Variants in IGLON5 observed in about 807,000 individuals in gnomAD.
IGLON5 encodes Ig-like domain-containing protein ENSP00000270642.
A neutral mutation model predicts 38.2 loss-of-function variants in IGLON5; 16 were observed. The ratio of observed to expected loss-of-function variants is 0.42; its 90% CI spans 0.28 to 0.64. IGLON5 has a LOEUF of 0.64. IGLON5 is among the 30% of genes least tolerant of loss of function. The pLI is 0.23. For missense variants in IGLON5, 366 were observed against 483.4 expected (o/e 0.76, Z 2.28); for synonymous variants, 207 against 216.4 (o/e 0.96, Z 0.38).
rs747506546 is a variant in IGLON5, at chr19:51,327,038, C to G, written c.647-42C>G. The G allele has an allele frequency of 1.5e-5, 24 of 1,599,142 alleles. No homozygotes were observed. The African/African-American group carries it at 2.6e-4, about 17-fold the overall frequency. On this transcript the variant is annotated intron_variant, in intron 5 of 7. Coordinates refer to ENST00000270642, the MANE Select transcript of IGLON5 (RefSeq NM_001101372.3). The surrounding 1 kb of genome is among the most constrained non-coding windows in gnomAD (Gnocchi z 7.1). Reference sequence around the variant, plus strand: ...GGCTGGGGGCGGGACCCCTTCGTCCCCACGCGGCTAGGAGAATTCGCTGAC... The same window carrying G: ...GGCTGGGGGCGGGACCCCTTCGTCCGCACGCGGCTAGGAGAATTCGCTGAC...
chr19:51,327,258 G>C lies in IGLON5; in HGVS notation c.767+58G>C. Reference sequence around the variant, plus strand: ...GGAAGGGGAGGTCTTTAGTCCCTTCGATTGTGAGGCAGGGGGACGGAGCGG... The same window carrying C: ...GGAAGGGGAGGTCTTTAGTCCCTTCCATTGTGAGGCAGGGGGACGGAGCGG... On this transcript the variant is annotated intron_variant, in intron 6 of 7. Transcript: ENST00000270642. The surrounding 1 kb of genome is among the most constrained non-coding windows in gnomAD (Gnocchi z 7.1). The C allele has an allele frequency of 1.9e-6, 3 of 1,566,018 alleles. No homozygotes were observed. Among genetic ancestry groups the C allele is most frequent in the Non-Finnish European group, 2.6e-6 (3 of 1,153,720 alleles).
In IGLON5 at chr19:51,327,148, G is replaced by A; in HGVS notation, c.715G>A (p.Glu239Lys). 6.2e-7 allele frequency: 1 copy of A among 1,612,462 alleles called. No individual in the cohort carries two copies. Among genetic ancestry groups the A allele is most frequent in the Non-Finnish European group, 8.5e-7 (1 of 1,179,652 alleles). ...ALGRAALLRC[E>K]AMAVPPADFQ... Reference sequence around the variant, plus strand: ...GGGCCGGGCCGCCCTCCTGCGCTGCGAAGCCATGGCGGTTCCCCCCGCGGA... The same window carrying A: ...GGGCCGGGCCGCCCTCCTGCGCTGCAAAGCCATGGCGGTTCCCCCCGCGGA... Residue 239 changes from glutamate (E) to lysine (K), a missense_variant, in exon 6 of 8, where the codon GAA becomes AAA. Physicochemically the swap from Glu to Lys is moderately conservative, Grantham distance 56 (BLOSUM62 1). Coordinates refer to ENST00000270642, the MANE Select transcript of IGLON5 (RefSeq NM_001101372.3). This position sits in a 1 kb window ranked among gnomAD's most constrained non-coding sequence, Gnocchi z 7.1.
chr19:51,316,353 AAAAAAAG>A (rs1287921709), intron 1 of IGLON5, among the ~76,000 whole-genome samples: 9 of 151,042 alleles, frequency 6.0e-5, no homozygotes, highest in African/African-American at 1.9e-4. Flanking sequence ...TCAAAAAAAA[AAAAAAAG>A]AAAAGAAACA....
Position 51,326,869 on chromosome 19 carries a change from A to G in IGLON5, c.617A>G (p.Asp206Gly), listed in dbSNP as rs1985229095. The G allele has an allele frequency of 1.3e-6, 2 of 1,563,372 alleles. No individual in the cohort carries two copies. The highest frequency in any genetic ancestry group is 1.7e-6 in the Non-Finnish European group (2 of 1,153,988). The change falls in exon 5 of 8, where the codon GAC becomes GGC. Residue 206 changes from aspartate to glycine, a missense_variant. Physicochemically the swap from Asp to Gly is moderately conservative, Grantham distance 94. Coordinates refer to ENST00000270642, the MANE Select transcript of IGLON5 (RefSeq NM_001101372.3). ...VTHNGVNSAP[D>G]SRRVLVTVNY... ...CACAACGGGGTTAACTCGGCGCCCG[A>G]CAGCCGCCGCGTGCTGGTCACAGTC... is the stretch of plus-strand genomic sequence containing the variant.
chr19:51,319,034 G>A (rs1271236053), intron 1 of IGLON5, among the ~76,000 whole-genome samples: 5 of 152,204 alleles, frequency 3.3e-5, no homozygotes, highest in East Asian at 1.9e-4. Context: ...GAAGCGAGAC[G>A]CTGCCGACCT....
rs758998103 is a variant in IGLON5 at position 51,328,783 on chromosome 19, C to T, written c.*24C>T. 1.6e-5 allele frequency: 24 copies of T among 1,546,192 alleles called. No homozygotes were observed. Among genetic ancestry groups the T allele is most frequent in the African/African-American group, 4.1e-5 (3 of 72,356 alleles). ...AGGCGCAACCCAGTGGAGCTCACCT[C>T]CCCCTGCAGGGGGCCTCAGGCCAAG... is the stretch of plus-strand genomic sequence containing the variant. On this transcript the variant is annotated 3_prime_UTR_variant, in exon 8 of 8. Coordinates refer to ENST00000270642, the MANE Select transcript of IGLON5 (RefSeq NM_001101372.3).
At chr19:51,320,170 CTT>C (rs1051234041) in intron 1 of IGLON5, among the ~76,000 whole-genome samples, 41 of 152,260 alleles carry the variant, frequency 2.7e-4, no homozygotes, top group Non-Finnish European at 5.7e-4. Context: ...TCTCCATTCT[CTT>C]TAAATCCCAG....
chr19:51,311,853 C>G lies in IGLON5; in HGVS notation c.6C>G (p.Pro2=), dbSNP rs981279380. The G allele has an allele frequency of 7.7e-7, 1 of 1,303,974 alleles. No homozygotes were observed. The highest frequency in any genetic ancestry group is 3.3e-5 in the East Asian group (1 of 30,210). 80.8% of individuals were successfully genotyped at this position (1,303,974 alleles called of 1,614,324 possible). M[P]PPAPGARLRL... ...TCCGCGCCGCCTCTGCCGCGATGCC[C>G]CCCCCTGCGCCCGGGGCCCGGCTCC... The change falls in exon 1 of 8, where the codon CCC becomes CCG. Residue 2 remains proline (P), a synonymous_variant. Coordinates refer to ENST00000270642, the MANE Select transcript of IGLON5 (RefSeq NM_001101372.3).
In IGLON5 at chr19:51,323,917, G is replaced by T. The variant is rs1403991612; in HGVS notation, c.391+23G>T. On this transcript the variant is annotated intron_variant, in intron 3 of 7. Coordinates refer to ENST00000270642, the MANE Select transcript of IGLON5 (RefSeq NM_001101372.3). ...ACGGTGAGCCCTTGGCCGGGGCCTG[G>T]CTGGGTGGAGGGGTTGAGAGCGTGG... 2.6e-6 allele frequency: 4 copies of T among 1,553,202 alleles called. No individual in the cohort carries two copies. The East Asian group carries it at 6.8e-5, about 26-fold the overall frequency.
At chr19:51,321,200 C>G (rs1985047521) in intron 1 of IGLON5, among the ~76,000 whole-genome samples, 1 of 151,948 alleles carries the variant, frequency 6.6e-6, no homozygotes, top group South Asian at 2.1e-4. Context: ...TTTTTGAGAC[C>G]AAGTTTCGCT....
At chr19:51,319,853 C>A (rs985557063) in intron 1 of IGLON5, among the ~76,000 whole-genome samples, 2 of 151,670 alleles carry the variant, frequency 1.3e-5, no homozygotes, top group African/African-American at 4.8e-5. Flanking sequence ...GGGACTGTCT[C>A]CTGTGTTTGT....
In IGLON5 at chr19:51,324,915, T is replaced by C. The variant is rs973007052; in HGVS notation, c.392-431T>C. Among the ~76,000 whole-genome samples, 4 of 151,882 alleles carry C rather than the reference T, an allele frequency of 2.6e-5. No homozygotes were observed. Among genetic ancestry groups the C allele is most frequent in the Non-Finnish European group, 5.9e-5 (4 of 68,008 alleles). ...GTAAAGCACTTAGAATAGCATCTGTTACACAGAAAGTCCCATGTGGGTATT... is the reference window on the plus strand; with the variant it reads ...GTAAAGCACTTAGAATAGCATCTGTCACACAGAAAGTCCCATGTGGGTATT... On this transcript the variant is annotated intron_variant, in intron 3 of 7. Transcript: ENST00000270642. The surrounding 1 kb of genome is among the most constrained non-coding windows in gnomAD (Gnocchi z 4.2).
chr19:51,327,771 G>A lies in IGLON5; in HGVS notation c.807G>A (p.Thr269=), dbSNP rs1985253700. 1 of 1,577,112 alleles carries A rather than the reference G, an allele frequency of 6.3e-7. No individual in the cohort carries two copies. The highest frequency in any genetic ancestry group is 8.6e-7 in the Non-Finnish European group (1 of 1,163,558). ...SGTAEGLKVQ[T]ERTRSMLLFA... ...CGGCCGAAGGCCTGAAGGTGCAGAC[G>A]GAGCGCACCCGCTCGATGCTTCTCT... The change falls in exon 7 of 8, where the codon ACG becomes ACA. Residue 269 remains threonine (T), a synonymous_variant. Coordinates refer to ENST00000270642, the MANE Select transcript of IGLON5 (RefSeq NM_001101372.3). The surrounding 1 kb of genome is among the most constrained non-coding windows in gnomAD (Gnocchi z 7.1).
At position 51,325,202 on chromosome 19, in the gene IGLON5, T is replaced by A; in HGVS notation, c.392-144T>A. The A allele has an allele frequency of 8.6e-7, 1 of 1,163,766 alleles. No individual in the cohort carries two copies. The highest frequency in any genetic ancestry group is 1.2e-6 in the Non-Finnish European group (1 of 830,370). 72.1% of individuals were successfully genotyped at this position (1,163,766 alleles called of 1,614,324 possible). A position where few individuals can be genotyped will look rare whatever the true frequency, so the allele number is the denominator to read the frequency against. ...AACTGCGGGTCTGAACTCCCGGGTC[T>A]GAGGGAGGAGGGGCTGGGGGTCTGA... On this transcript the variant is annotated intron_variant, in intron 3 of 7. Transcript: ENST00000270642. This position sits in a 1 kb window ranked among gnomAD's most constrained non-coding sequence, Gnocchi z 5.5.
At chr19:51,316,751 C>T (rs1984936090) in intron 1 of IGLON5, among the ~76,000 whole-genome samples, 2 of 152,200 alleles carry the variant, frequency 1.3e-5, no homozygotes, top group African/African-American at 4.8e-5. Flanking sequence ...GCCTTGGCCT[C>T]CCAAAGTGCT....
intron 1 of IGLON5, among the ~76,000 whole-genome samples, chr19:51,319,577 G>C (rs1166192311): frequency 6.6e-6 from 1 of 152,136 alleles, no homozygotes; most frequent in Non-Finnish European, 1.5e-5. Flanking sequence ...GCCTGGGAAG[G>C]GATGTAATTG....
At chr19:51,315,910 G>T (rs1275935415) in intron 1 of IGLON5, among the ~76,000 whole-genome samples, 1 of 151,874 alleles carries the variant, frequency 6.6e-6, no homozygotes, top group East Asian at 1.9e-4. Context: ...TAGCCAGGAT[G>T]GTCTCGATCT....
intron 4 of IGLON5, 147 bp from the exon 5 acceptor site, chr19:51,326,617 G>GCC (rs1408424686): frequency 1.0e-4 from 13 of 124,556 alleles, no homozygotes; most frequent in Middle Eastern, 3.1e-3. Flanking sequence ...CGGCCCTGCA[G>GCC]CCCCTCCCCC....
At chr19:51,328,530 A>T (rs1985272545) in intron 7 of IGLON5, 141 bp from the exon 8 acceptor site, 1 of 422,180 alleles carries the variant, frequency 2.4e-6, no homozygotes, top group African/African-American at 2.1e-5. Context: ...AAAGAAACAG[A>T]GTCAGAAAAG....
Sources: gnomAD v4.1 joint callset for allele counts (sites outside exome capture counted in the v4.1 genomes callset) on GRCh38, gnomAD v4.1.1 for gene constraint, Gnocchi (gnomAD v3.1) non-coding constraint, MANE v1.5 for transcripts, NCBI Gene and HGNC (gene_info 2026-07-23, HGNC 2026-07-21) for gene names.